USF3: variants seen among roughly 807,000 people sequenced by gnomAD.
USF3 encodes the protein basic helix-loop-helix domain-containing protein USF3.
A neutral mutation model predicts 157.5 loss-of-function variants in USF3; 29 were observed. The observed-to-expected ratio is 0.18, with a 90% confidence interval of 0.14 to 0.25. The LOEUF is 0.25. Ranked by LOEUF, USF3 falls within the 10% of genes least tolerant of loss-of-function variation. The pLI is 1.00. For missense variants in USF3, 2,381 were observed against 2,667.6 expected (o/e 0.89, Z 2.37); for synonymous variants, 893 against 941.4 (o/e 0.95, Z 0.94).
intron 4 of USF3, among the ~76,000 whole-genome samples, chr3:113,671,122 T>C (rs1707145163): frequency 1.3e-5 from 2 of 152,352 alleles, no homozygotes; most frequent in African/African-American, 4.8e-5. Context: ...ATTTCATTAC[T>C]ACTAGGCCAT....
intron 5 of USF3, among the ~76,000 whole-genome samples, chr3:113,664,817 T>G (rs1336470057): frequency 6.6e-6 from 1 of 152,000 alleles, no homozygotes; most frequent in Non-Finnish European, 1.5e-5. Context: ...AGTGTGATGG[T>G]TTTTGGGAGG....
In USF3 at chr3:113,655,085, T is replaced by G; in HGVS notation, c.6597A>C (p.Thr2199=). 1.2e-6 allele frequency: 2 copies of G among 1,614,150 alleles called. No homozygotes were observed. Among genetic ancestry groups the G allele is most frequent in the South Asian group, 2.2e-5 (2 of 91,076 alleles). The change falls in exon 7 of 7, where the codon ACA becomes ACC. Residue 2199 remains threonine, a synonymous_variant. Coordinates refer to ENST00000316407, the MANE Select transcript of USF3 (RefSeq NM_001009899.4). ...ACATTGCTGAGCCATCAGGAAGCGC[T>G]GTGGCTATTTCTGGAAACAAAGATG... ...NMTSLFPEIA[T]ALPDGSAMSP...
chr3:113,668,826 A>G, intron 5 of USF3, among the ~76,000 whole-genome samples: 1 of 152,280 alleles, frequency 6.6e-6, no homozygotes, highest in East Asian at 1.9e-4. Context: ...ATTGGAAATT[A>G]AAAATATAAG....
chr3:113,664,414 C>T lies in USF3; in HGVS notation c.160-5G>A, dbSNP rs764850967. ...GTCCAGGATCATATTCTTGCTCTGTCCAAGAAAATTTTAAAAGTTTACAAG... is the reference window on the plus strand; with the variant it reads ...GTCCAGGATCATATTCTTGCTCTGTTCAAGAAAATTTTAAAAGTTTACAAG... On this transcript the variant is annotated splice_region_variant and splice_polypyrimidine_tract_variant and intron_variant, in intron 5 of 6. Coordinates refer to ENST00000316407, the MANE Select transcript of USF3 (RefSeq NM_001009899.4). 1.2e-5 allele frequency: 19 copies of T among 1,551,986 alleles called. No individual in the cohort carries two copies. The highest frequency in any genetic ancestry group is 2.8e-5 in the African/African-American group (2 of 72,346).
chr3:113,682,515 G>C (rs562768648), intron 1 of USF3, among the ~76,000 whole-genome samples: 11 of 152,268 alleles, frequency 7.2e-5, no homozygotes, highest in African/African-American at 2.2e-4. Flanking sequence ...TCTAATGTTT[G>C]TTGATTTTCT....
At chr3:113,670,019 A>G in intron 5 of USF3, 102 bp downstream of exon 5, 1 of 744,614 alleles carries the variant, frequency 1.3e-6, no homozygotes, top group East Asian at 2.5e-5. Context: ...AGAACCATAC[A>G]TAGAAATAGA....
rs944025915 is a variant in USF3 at position 113,653,947 on chromosome 3, T to C, written c.*997A>G. The C allele has an allele frequency of 5.3e-5, 8 of 152,248 alleles. No individual in the cohort carries two copies. Among genetic ancestry groups the C allele is most frequent in the Non-Finnish European group, 1.2e-4 (8 of 68,046 alleles). The allele number at this position is 152,248 out of a possible 1,614,324, so 9.4% of individuals were successfully genotyped here. A position where few individuals can be genotyped will look rare whatever the true frequency, so the allele number is the denominator to read the frequency against. On this transcript the variant is annotated 3_prime_UTR_variant, in exon 7 of 7. Coordinates refer to ENST00000316407, the MANE Select transcript of USF3 (RefSeq NM_001009899.4). The stretch of plus-strand genomic sequence containing the variant: ...AAAATACTGACAGAGCTTAAATCTC[T>C]GTTCAGAAATATTTTTAAAGTAAGG...
intron 1 of USF3, among the ~76,000 whole-genome samples, chr3:113,685,418 C>A (rs918706447): frequency 6.6e-6 from 1 of 152,170 alleles, no homozygotes; most frequent in African/African-American, 2.4e-5. Context: ...CCTGCCAGGA[C>A]TGGGTCTCTC....
intron 1 of USF3, among the ~76,000 whole-genome samples, chr3:113,684,597 ATTCT>A (rs1216320903): frequency 6.6e-6 from 1 of 151,932 alleles, no homozygotes; most frequent in Non-Finnish European, 1.5e-5. Context: ...AAGCTCGCTC[ATTCT>A]TTCTTCTCCT....
intron 5 of USF3, among the ~76,000 whole-genome samples, chr3:113,669,428 G>A (rs1707094584): frequency 2.6e-5 from 4 of 151,876 alleles, no homozygotes; most frequent in South Asian, 2.1e-4. Flanking sequence ...TTTTAGTGCT[G>A]TTTGCTATGT....
chr3:113,664,374 A>G lies in USF3; in HGVS notation c.195T>C (p.Tyr65=), dbSNP rs12491540. Residue 65 remains tyrosine (Y), a synonymous_variant, in exon 6 of 7, where the codon TAT becomes TAC. Coordinates refer to ENST00000316407, the MANE Select transcript of USF3 (RefSeq NM_001009899.4). ...CATTTTGCCTTTTCAATTCTGTTAT[A>G]TATTTAAAGGCTTGGTCCAGGATCA... is the stretch of plus-strand genomic sequence containing the variant. ...KNMILDQAFK[Y]ITELKRQNDE... 3.4e-3 allele frequency: 5,463 copies of G among 1,609,934 alleles called. 132 individuals are homozygous for G. The Admixed American group carries it at 0.053, about 15-fold the overall frequency.
At chr3:113,681,530 T>C (rs1439693791) in intron 1 of USF3, among the ~76,000 whole-genome samples, 1 of 151,408 alleles carries the variant, frequency 6.6e-6, no homozygotes, top group Non-Finnish European at 1.5e-5. Context: ...ATACTTGATA[T>C]TATTTCACCA....
Position 113,654,840 on chromosome 3 carries a change from G to C in USF3, c.*104C>G. ...AAGATAACTGAAAACTGATTATACA[G>C]ACACACACACACAATCCTTCTCTTC... On this transcript the variant is annotated 3_prime_UTR_variant, in exon 7 of 7. Transcript: ENST00000316407. The C allele has an allele frequency of 8.0e-7, 1 of 1,251,874 alleles. No homozygotes were observed. Among genetic ancestry groups the C allele is most frequent in the South Asian group, 1.6e-5 (1 of 62,880 alleles). The allele number at this position is 1,251,874 out of a possible 1,614,324, so 77.5% of individuals were successfully genotyped here.
chr3:113,662,896 A>C (rs1209749486), intron 6 of USF3, among the ~76,000 whole-genome samples: 1 of 151,848 alleles, frequency 6.6e-6, no homozygotes, highest in Admixed American at 6.6e-5. Flanking sequence ...AATTTGCCTA[A>C]ATTCAGCCAG....
At chr3:113,692,281 C>A (rs1707703207) in intron 1 of USF3, among the ~76,000 whole-genome samples, 1 of 152,134 alleles carries the variant, frequency 6.6e-6, no homozygotes, top group Admixed American at 6.5e-5. Context: ...GAAATACAAT[C>A]TATATACTTA....
intron 1 of USF3, among the ~76,000 whole-genome samples, chr3:113,694,950 CAGG>C (rs1279689733): frequency 2.0e-5 from 3 of 152,134 alleles, no homozygotes; most frequent in East Asian, 1.9e-4. Flanking sequence ...GAGGCTGATG[CAGG>C]AGAATTGCTT....
At chr3:113,666,506 G>A (rs1309873142) in intron 5 of USF3, among the ~76,000 whole-genome samples, 1 of 149,390 alleles carries the variant, frequency 6.7e-6, no homozygotes, top group Admixed American at 6.7e-5. Flanking sequence ...TCCCACCTTG[G>A]TCTCCCAAAG....
Position 113,656,326 on chromosome 3 carries a change from T to C in USF3, c.5356A>G (p.Ile1786Val), listed in dbSNP as rs755395307. The part of the protein sequence containing the change: ...RISQNTGPPP[I>V]DRQKRLSYPP... ...TAAGATAATCTCTTTTGACGGTCAA[T>C]TGGTGGGGGGCCAGTGTTTTGACTA... Residue 1786 changes from isoleucine (I) to valine (V), a missense_variant, in exon 7 of 7, where the codon ATT (isoleucine) becomes GTT (valine). Transcript: ENST00000316407. 10 of 1,614,022 alleles carry C rather than the reference T, an allele frequency of 6.2e-6. No homozygotes were observed. In the Admixed American group the frequency reaches 6.7e-5, roughly 11 times the overall value.
At chr3:113,687,204 G>A (rs1175556537) in intron 1 of USF3, among the ~76,000 whole-genome samples, 1 of 149,496 alleles carries the variant, frequency 6.7e-6, no homozygotes, top group Admixed American at 6.7e-5. Context: ...TTTTGGATTA[G>A]CTGTTGTGCC....
Sources: allele counts gnomAD v4.1 joint callset (sites outside exome capture counted in the v4.1 genomes callset), GRCh38; gene constraint gnomAD v4.1.1; transcripts MANE v1.5; gene names NCBI Gene and HGNC (gene_info 2026-07-23, HGNC 2026-07-21).